Variants in KALRN observed in about 807,000 individuals in gnomAD.
KALRN encodes kalirin RhoGEF kinase, also known as kalirin.
In KALRN, 70 loss-of-function variants were observed where a neutral mutation model predicts 353.7. That is an observed-to-expected ratio of 0.20 (90% CI 0.16 to 0.24). The LOEUF (loss-of-function observed/expected upper bound fraction) is 0.24. Among genes scored for constraint, KALRN ranks in the 10% least tolerant of loss-of-function variants. KALRN has a pLI of 1.00. For synonymous variants in KALRN, 1,391 were observed against 1,434.8 expected, an observed-to-expected ratio of 0.97 and a Z score of 0.69; for missense variants, 2,791 against 3,756.7, an observed-to-expected ratio of 0.74 and a Z score of 6.72.
intron 1 of KALRN, among the ~76,000 whole-genome samples, chr3:124,053,521 A>G (rs903677886): frequency 2.6e-5 from 4 of 152,158 alleles, no homozygotes; most frequent in Middle Eastern, 3.2e-3. Context: ...ATCACACAGG[A>G]GTATAGGAAC....
chr3:124,208,815 A>C (rs1331129593), intron 1 of KALRN, among the ~76,000 whole-genome samples: 2 of 151,798 alleles, frequency 1.3e-5, no homozygotes, highest in Non-Finnish European at 2.9e-5. Context: ...AAATTTAAAA[A>C]ATTAGTTGGG....
At chr3:124,538,258 GTT>G (rs2109281945) in intron 33 of KALRN, among the ~76,000 whole-genome samples, 1 of 120,124 alleles carries the variant, frequency 8.3e-6, no homozygotes, top group African/African-American at 3.9e-5. Flanking sequence ...GTGTGTGTGT[GTT>G]TGTGTGTGTG....
chr3:124,647,186 C>T (rs953939342), intron 37 of KALRN, among the ~76,000 whole-genome samples: 7 of 152,124 alleles, frequency 4.6e-5, no homozygotes, highest in African/African-American at 9.7e-5. Flanking sequence ...GCATTACAGG[C>T]GTGAGCCACC....
intron 3 of KALRN, among the ~76,000 whole-genome samples, chr3:124,244,517 G>A (rs1419331238): frequency 2.0e-5 from 3 of 152,200 alleles, no homozygotes; most frequent in Non-Finnish European, 2.9e-5. Flanking sequence ...GATTACAGGC[G>A]TGAGCGACCG....
chr3:124,466,802 C>G (rs1024401513), intron 25 of KALRN, among the ~76,000 whole-genome samples: 2 of 152,130 alleles, frequency 1.3e-5, no homozygotes, highest in Admixed American at 1.3e-4. Flanking sequence ...CTTCAGCACT[C>G]TCTCCCCTTC....
chr3:124,147,268 A>C (rs1658968814), intron 1 of KALRN, among the ~76,000 whole-genome samples: 1 of 152,182 alleles, frequency 6.6e-6, no homozygotes, highest in Non-Finnish European at 1.5e-5. Flanking sequence ...CCATCCAGAC[A>C]TTCCAGAATA....
intron 10 of KALRN, among the ~76,000 whole-genome samples, chr3:124,383,653 A>G (rs943858276): frequency 6.6e-5 from 10 of 152,146 alleles, no homozygotes; most frequent in Non-Finnish European, 1.5e-4. Flanking sequence ...ATTTAAACTT[A>G]ATGTAACTAA....
intron 38 of KALRN, among the ~76,000 whole-genome samples, chr3:124,652,330 C>G (rs2083503676): frequency 6.6e-6 from 1 of 152,158 alleles, no homozygotes; most frequent in Non-Finnish European, 1.5e-5. Flanking sequence ...GTATTTACCC[C>G]CTCAGCTTTG....
intron 1 of KALRN, among the ~76,000 whole-genome samples, chr3:124,120,709 AAAATATAT>A (rs1255839829): frequency 2.1e-4 from 24 of 112,746 alleles, no homozygotes; most frequent in African/African-American, 9.0e-4. Context: ...AGGAATACTA[AAAATATAT>A]ATATATATAT....
In KALRN at chr3:124,326,153, C is replaced by T. The variant is rs1266397043; in HGVS notation, c.1266C>T (p.Phe422=). 1.2e-6 allele frequency: 2 copies of T among 1,612,090 alleles called. No individual in the cohort carries two copies. The highest frequency in any genetic ancestry group is 2.7e-5 in the African/African-American group (2 of 75,040). The change falls in exon 7 of 60, where the codon TTC becomes TTT. Residue 422 remains phenylalanine (F), a synonymous_variant. Transcript: ENST00000682506. ...RSTILAMSAV[F]HQKAEQFLSG... The stretch of plus-strand genomic sequence containing the variant: ...CCATCCTCGCCATGTCTGCTGTGTT[C>T]CACCAGAAGGCTGAGCAGGTAAGGT...
intron 3 of KALRN, among the ~76,000 whole-genome samples, chr3:124,255,575 G>A (rs151128386): frequency 6.6e-6 from 1 of 152,290 alleles, no homozygotes; most frequent in East Asian, 1.9e-4. Flanking sequence ...TTCATAATGA[G>A]GTTCTCCTTT....
chr3:124,487,108 C>A (rs1288662367), intron 28 of KALRN, among the ~76,000 whole-genome samples: 2 of 152,146 alleles, frequency 1.3e-5, no homozygotes, highest in African/African-American at 4.8e-5. Flanking sequence ...CCTGCCCCCT[C>A]GAGGAGAGAG....
intron 5 of KALRN, among the ~76,000 whole-genome samples, chr3:124,282,045 TTTA>T (rs2149048972): frequency 6.6e-6 from 1 of 152,184 alleles, no homozygotes; most frequent in African/African-American, 2.4e-5. Flanking sequence ...TTCTGGTCCT[TTTA>T]TACTAATCCA....
chr3:124,124,980 G>A (rs1337159591), intron 1 of KALRN, among the ~76,000 whole-genome samples: 5 of 152,178 alleles, frequency 3.3e-5, no homozygotes, highest in African/African-American at 1.2e-4. Context: ...ATATGGTAAT[G>A]CGTGGGAGAG....
At chr3:124,512,760 C>T (rs923355241) in intron 33 of KALRN, among the ~76,000 whole-genome samples, 13 of 151,406 alleles carry the variant, frequency 8.6e-5, no homozygotes, top group South Asian at 2.1e-4. Flanking sequence ...TACATACATA[C>T]GTATGTGCAT....
intron 3 of KALRN, among the ~76,000 whole-genome samples, chr3:124,237,234 A>G (rs1025564273): frequency 2.0e-5 from 3 of 152,256 alleles, no homozygotes; most frequent in Admixed American, 6.5e-5. Context: ...GACTCAGTAG[A>G]TGATACTGAT....
At chr3:124,269,354 C>A in intron 5 of KALRN, 99 bp downstream of exon 5, 1 of 1,337,048 alleles carries the variant, frequency 7.5e-7, no homozygotes, top group Non-Finnish European at 1.0e-6. Flanking sequence ...TCCTGGAAAG[C>A]TTTAAAACAG....
intron 21 of KALRN, among the ~76,000 whole-genome samples, chr3:124,447,313 A>C (rs2093873194): frequency 6.6e-6 from 1 of 152,230 alleles, no homozygotes. Context: ...ATATGGGTAC[A>C]CAAAACAGGT....
At chr3:124,501,495 G>C (rs1338282852) in intron 33 of KALRN, among the ~76,000 whole-genome samples, 4 of 152,212 alleles carry the variant, frequency 2.6e-5, no homozygotes, top group Admixed American at 1.3e-4. Flanking sequence ...GAGATGGTAA[G>C]GGTCCAACTA....
Sources: allele counts gnomAD v4.1 joint callset (sites outside exome capture counted in the v4.1 genomes callset), GRCh38; gene constraint gnomAD v4.1.1; transcripts MANE v1.5; gene names NCBI Gene and HGNC (gene_info 2026-07-23, HGNC 2026-07-21).